TAF6: variants seen among roughly 807,000 people sequenced by gnomAD.
TAF6 encodes the protein TATA-box binding protein associated factor 6.
TAF6 carries 50 observed loss-of-function variants against 73.5 expected under a neutral mutation model. That is an observed-to-expected ratio of 0.68 (90% CI 0.54 to 0.86). TAF6 has a LOEUF of 0.86. TAF6 is among the 40% of genes least tolerant of loss of function. The pLI is 0.00. For synonymous variants in TAF6, 424 were observed against 376.7 expected (o/e 1.13, Z -1.45); for missense variants, 768 against 899.5 (o/e 0.85, Z 1.87).
chr7:100,117,862 G>GA (rs925305972), intron 1 of TAF6, among the ~76,000 whole-genome samples: 41 of 151,672 alleles, frequency 2.7e-4, no homozygotes, highest in African/African-American at 9.2e-4. Context: ...CTAACAAGGT[G>GA]AAACCTCGTC....
chr7:100,121,028 T>C (rs1584584687), upstream of TAF6: 1 of 141,780 alleles, frequency 7.1e-6, no homozygotes, highest in Non-Finnish European at 1.5e-5. Flanking sequence ...TATATGTTGA[T>C]TTATTTAATC....
At chr7:100,124,801 G>C, upstream of TAF6, 1 of 1,595,946 alleles carries the variant, frequency 6.3e-7, no homozygotes, top group Non-Finnish European at 8.5e-7. Flanking sequence ...AAGAGCAGGA[G>C]GAGGAGGAGG....
chr7:100,110,672 G>A (rs1205042915), intron 10 of TAF6, among the ~76,000 whole-genome samples: 1 of 152,232 alleles, frequency 6.6e-6, no homozygotes, highest in East Asian at 1.9e-4. Context: ...TTAGCTGGGT[G>A]TGGCGGCACA....
chr7:100,113,026 A>T (rs1797343236), intron 5 of TAF6, 109 bp from the exon 6 acceptor site: 1 of 1,464,100 alleles, frequency 6.8e-7, no homozygotes, highest in Non-Finnish European at 9.1e-7. Flanking sequence ...GCACTTTGGG[A>T]GGCCAAGGCG....
upstream of TAF6, chr7:100,119,448 A>C: frequency 7.7e-7 from 1 of 1,299,110 alleles, no homozygotes; most frequent in Admixed American, 4.0e-5. Flanking sequence ...GCAGAATGAA[A>C]TTATATTTTA....
rs1174044615 is a variant in TAF6, at chr7:100,109,974, C to T, written c.1258G>A (p.Ala420Thr). Residue 420 changes from alanine to threonine, a missense_variant, in exon 12 of 15, where the codon GCA becomes ACA. Ala to Thr is a moderately conservative substitution (Grantham distance 58, BLOSUM62 0). Coordinates refer to ENST00000453269, the MANE Select transcript of TAF6 (RefSeq NM_139315.3). ...AGCAGGAGGCTCTGCACATGGTCTG[C>T]TCCAATCCGGTCAATGTTGCTCAGC... ...PVLSNIDRIG[A>T]DHVQSLLLKH... The T allele has an allele frequency of 5.0e-6, 8 of 1,614,060 alleles. No individual in the cohort carries two copies. Among genetic ancestry groups the T allele is most frequent in the Non-Finnish European group, 6.8e-6 (8 of 1,180,046 alleles).
At chr7:100,119,696 T>G (rs752757360), upstream of TAF6, 1 of 1,613,872 alleles carries the variant, frequency 6.2e-7, no homozygotes, top group Non-Finnish European at 8.5e-7. Flanking sequence ...CCACACTACC[T>G]TCCCGAAGTT....
At chr7:100,121,110 A>ATTTTTTTTTTTTTTTTT (rs1798036782), upstream of TAF6, 5 of 28,398 alleles carry the variant, frequency 1.8e-4, no homozygotes, top group African/African-American at 2.8e-4. Flanking sequence ...ATATATATAT[A>ATTTTTTTTTTTTTTTTT]TATATATTTT....
upstream of TAF6, chr7:100,123,029 C>T (rs1798115236): frequency 1.8e-6 from 2 of 1,113,454 alleles, no homozygotes; most frequent in Non-Finnish European, 2.5e-6. Flanking sequence ...AGAGTGAGGA[C>T]TGTGCCATTG....
chr7:100,109,979 A>G lies in TAF6; in HGVS notation c.1253T>C (p.Ile418Thr). The change falls in exon 12 of 15, where the codon ATT becomes ACT. Residue 418 changes from isoleucine to threonine, a missense_variant. Coordinates refer to ENST00000453269, the MANE Select transcript of TAF6 (RefSeq NM_139315.3). ...GAGGCTCTGCACATGGTCTGCTCCA[A>G]TCCGGTCAATGTTGCTCAGCACAGG... Reference protein sequence around the residue: ...DGPVLSNIDRIGADHVQSLLL... With the variant: ...DGPVLSNIDRTGADHVQSLLL... The G allele has an allele frequency of 3.7e-6, 6 of 1,614,134 alleles. No homozygotes were observed. The highest frequency in any genetic ancestry group is 1.3e-5 in the African/African-American group (1 of 75,020).
Position 100,112,253 on chromosome 7 carries a change from C to T in TAF6, c.575G>A (p.Gly192Glu). 4 of 1,611,230 alleles carry T rather than the reference C, an allele frequency of 2.5e-6. No individual in the cohort carries two copies. Among genetic ancestry groups the T allele is most frequent in the Non-Finnish European group, 3.4e-6 (4 of 1,178,862 alleles). Reference protein sequence around the residue: ...GQGATTADGKGKEKKAPPLLE... With the variant: ...GQGATTADGKEKEKKAPPLLE... The stretch of plus-strand genomic sequence containing the variant: ...CAAGGGCGGCGCCTTCTTCTCTTTC[C>T]CTGTGTGATTGGAAAGGTGGGTCTG... Residue 192 changes from glycine to glutamate, a missense_variant and splice_region_variant, in exon 7 of 15, where the codon GGG (glycine) becomes GAG (glutamate). Gly to Glu is a moderately conservative substitution (Grantham distance 98). Transcript: ENST00000453269.
chr7:100,114,436 G>C (rs1478081959), intron 1 of TAF6, 168 bp from the exon 2 acceptor site: 2 of 731,630 alleles, frequency 2.7e-6, no homozygotes, highest in Admixed American at 2.2e-5. Context: ...CTGGGCTGGG[G>C]CCAGGTTCAG....
At chr7:100,109,301 G>A (rs1172643971) in intron 12 of TAF6, among the ~76,000 whole-genome samples, 1 of 151,380 alleles carries the variant, frequency 6.6e-6, no homozygotes, top group Non-Finnish European at 1.5e-5. Flanking sequence ...CTCCAGCCTG[G>A]GTTACAGAGT....
upstream of TAF6, among the ~76,000 whole-genome samples, chr7:100,121,873 AC>A (rs1316706913): frequency 1.5e-5 from 2 of 135,838 alleles, no homozygotes; most frequent in Middle Eastern, 3.6e-3. Context: ...ACACGGTGAA[AC>A]CCTGTCTCTA....
Position 100,107,692 on chromosome 7 carries a change from G to A in TAF6, c.1657-69C>T, listed in dbSNP as rs114905246. The A allele has an allele frequency of 1.9e-4, 300 of 1,566,058 alleles. 1 individual carries two copies. The African/African-American group carries it at 3.0e-3, about 16-fold the overall frequency. ...TGCCCCCCAGAGGCCTGGCGAGGAC[G>A]CTTCACTCGCTCCCTGCCTGAACAA... On this transcript the variant is annotated intron_variant, in intron 14 of 14. Transcript: ENST00000453269.
upstream of TAF6, chr7:100,121,116 A>ATATATATTGTTTTTTTT (rs1584585316): frequency 1.9e-5 from 1 of 52,800 alleles, no homozygotes; most frequent in African/African-American, 9.7e-5. Flanking sequence ...ATATATATAT[A>ATATATATTGTTTTTTTT]TTTTTTTTTT....
In TAF6 at chr7:100,113,339, T is replaced by C. The variant is rs1435676485; in HGVS notation, c.454+10A>G. The C allele has an allele frequency of 6.3e-6, 10 of 1,584,030 alleles. No individual in the cohort carries two copies. Among genetic ancestry groups the C allele is most frequent in the South Asian group, 5.7e-5 (5 of 88,110 alleles). On this transcript the variant is annotated intron_variant, in intron 5 of 14. Coordinates refer to ENST00000453269, the MANE Select transcript of TAF6 (RefSeq NM_139315.3). Reference sequence around the variant, plus strand: ...ACCCAGAGACCCAGAGGGTGGGGCATGGAGGTTACCTGGGGGCGGGTTCTC... The same window carrying C: ...ACCCAGAGACCCAGAGGGTGGGGCACGGAGGTTACCTGGGGGCGGGTTCTC...
chr7:100,114,314 C>T, intron 1 of TAF6, 46 bp from the exon 2 acceptor site: 1 of 1,581,884 alleles, frequency 6.3e-7, no homozygotes, highest in Non-Finnish European at 8.6e-7. Flanking sequence ...ACGTGAGACA[C>T]AGGGAGAGGG....
At chr7:100,126,030 C>T in the TAF6 span, among the ~76,000 whole-genome samples, 1 of 152,116 alleles carries the variant, frequency 6.6e-6, no homozygotes, top group Admixed American at 6.5e-5. Flanking sequence ...ACTAAAAATA[C>T]AAAAAATTAG....
Sources: allele counts gnomAD v4.1 joint callset (sites outside exome capture counted in the v4.1 genomes callset), GRCh38; gene constraint gnomAD v4.1.1; transcripts MANE v1.5; gene names NCBI Gene and HGNC (gene_info 2026-07-23, HGNC 2026-07-21).